The following TFB1M variants were observed in gnomAD, a reference collection of about 807,000 sequenced individuals.
TFB1M encodes transcription factor B1, mitochondrial.
In TFB1M, 27 loss-of-function variants were observed where a neutral mutation model predicts 31.1. That is an observed-to-expected ratio of 0.87 (90% confidence interval 0.64 to 1.20). TFB1M has a LOEUF of 1.20. Ranked by LOEUF, TFB1M falls within the 50% of genes most tolerant of loss-of-function variation. The pLI is 0.00. For missense variants in TFB1M, 394 were observed against 418.7 expected (o/e 0.94, Z 0.51); for synonymous variants, 166 against 151.8 (o/e 1.09, Z -0.69).
intron 5 of TFB1M, among the ~76,000 whole-genome samples, chr6:155,277,261 T>C (rs1366208729): frequency 6.6e-6 from 1 of 152,254 alleles, no homozygotes; most frequent in East Asian, 1.9e-4. Context: ...TTTGTCACTT[T>C]TTCTCTCAAA....
chr6:155,285,367 A>G, intron 4 of TFB1M, 90 bp from the exon 5 acceptor site: 1 of 1,530,440 alleles, frequency 6.5e-7, no homozygotes, highest in Non-Finnish European at 8.9e-7. Context: ...TCTGAACACT[A>G]GGTGGACTTT....
the TFB1M span, chr6:155,248,046 C>A: frequency 6.2e-7 from 1 of 1,614,212 alleles, no homozygotes; most frequent in Non-Finnish European, 8.5e-7. Flanking sequence ...CCCGGAACCC[C>A]ACCAAGCAGC....
At chr6:155,246,454 C>T in the TFB1M span, among the ~76,000 whole-genome samples, 1 of 152,144 alleles carries the variant, frequency 6.6e-6, no homozygotes, top group African/African-American at 2.4e-5. Context: ...TTGCCATTTC[C>T]TCCCACAAAC....
the TFB1M span, chr6:155,248,320 C>T: frequency 1.0e-5 from 10 of 994,548 alleles, no homozygotes; most frequent in Non-Finnish European, 1.4e-5. Flanking sequence ...GATGGTTAAT[C>T]TTAGGTTTCA....
Position 155,297,238 on chromosome 6 carries a change from T to G in TFB1M, c.395-134A>C, listed in dbSNP as rs141064985. 7.5e-6 allele frequency: 7 copies of G among 929,146 alleles called. No individual in the cohort carries two copies. The African/African-American group carries it at 1.0e-4, about 13-fold the overall frequency. The allele number at this position is 929,146 out of a possible 1,614,324, so 57.6% of individuals were successfully genotyped here. On this transcript the variant is annotated intron_variant, in intron 3 of 6. Coordinates refer to ENST00000367166, the MANE Select transcript of TFB1M (RefSeq NM_016020.4). The stretch of plus-strand genomic sequence containing the variant: ...ATATAAATAGACATGGCTAAATTTT[T>G]TTTTTCACTTATTATTCAAAAGCAA...
intron 5 of TFB1M, among the ~76,000 whole-genome samples, chr6:155,269,324 CTTT>C (rs60162262): frequency 2.4e-5 from 3 of 127,262 alleles, no homozygotes; most frequent in African/African-American, 3.0e-5. Context: ...CTTTTCTTTT[CTTT>C]TTTTTTTTTT....
chr6:155,266,846 CAAAAAAAA>C (rs1213939199), intron 5 of TFB1M, among the ~76,000 whole-genome samples: 2 of 62,840 alleles, frequency 3.2e-5, no homozygotes, highest in South Asian at 7.5e-4. Flanking sequence ...GACTCCGTCT[CAAAAAAAA>C]AAAAAAAAAA....
At chr6:155,283,446 G>C (rs1216983931) in intron 5 of TFB1M, among the ~76,000 whole-genome samples, 2 of 152,248 alleles carry the variant, frequency 1.3e-5, no homozygotes, top group East Asian at 3.9e-4. Flanking sequence ...AATAAAAAAA[G>C]GAATCAAAGA....
chr6:155,277,758 G>A (rs1447124677), intron 5 of TFB1M, among the ~76,000 whole-genome samples: 1 of 152,072 alleles, frequency 6.6e-6, no homozygotes, highest in Admixed American at 6.5e-5. Context: ...CCTTTTGAGT[G>A]GTCAAAATGT....
At chr6:155,296,823 G>T in intron 4 of TFB1M, 130 bp downstream of exon 4, 1 of 869,544 alleles carries the variant, frequency 1.2e-6, no homozygotes. Context: ...TGGCTGAGCT[G>T]CTGCTGGGTT....
intron 5 of TFB1M, chr6:155,260,607 A>T: frequency 1.6e-6 from 1 of 642,492 alleles, no homozygotes; most frequent in Non-Finnish European, 2.8e-6. Flanking sequence ...AGCCGGCTGC[A>T]CCTGTTCTCT....
intron 1 of TFB1M, 27 bp downstream of exon 1, chr6:155,314,269 T>A: frequency 1.9e-6 from 3 of 1,612,192 alleles, no homozygotes; most frequent in Non-Finnish European, 2.5e-6. Context: ...TGGGGAGACA[T>A]CCGGGGAGCA....
At chr6:155,285,867 T>G (rs1246121893) in intron 4 of TFB1M, among the ~76,000 whole-genome samples, 1 of 152,202 alleles carries the variant, frequency 6.6e-6, no homozygotes, top group Non-Finnish European at 1.5e-5. Context: ...AATTAATTCA[T>G]AAATGCAATG....
At chr6:155,251,577 G>A (rs146227279), downstream of TFB1M, among the ~76,000 whole-genome samples, 12 of 152,286 alleles carry the variant, frequency 7.9e-5, no homozygotes, top group East Asian at 2.1e-3. Context: ...ATTAGCCACC[G>A]TGCCTGGCCA....
chr6:155,252,963 C>G (rs1783760798), downstream of TFB1M: 3 of 1,614,034 alleles, frequency 1.9e-6, no homozygotes, highest in South Asian at 3.3e-5. Context: ...GAATTCCCGG[C>G]CTGCACACAA....
downstream of TFB1M, chr6:155,255,342 T>C (rs1273095201): frequency 6.6e-6 from 1 of 152,158 alleles, no homozygotes; most frequent in East Asian, 1.9e-4. Context: ...AATCACGTTG[T>C]TCTTTCTGCT....
chr6:155,257,190 CAAAAAAA>C lies in TFB1M; in HGVS notation c.*639_*645del, dbSNP rs11455127. On this transcript the variant is annotated 3_prime_UTR_variant, in exon 7 of 7. Transcript: ENST00000367166. ...TAAACTGGTGGTAAAGTGGAAATTG[CAAAAAAA>C]AAAAAAAAAAAAAACTGTTCATTCC... 32 of 547,750 alleles carry C rather than the reference CAAAAAAA, an allele frequency of 5.8e-5. No individual in the cohort carries two copies. Among genetic ancestry groups the C allele is most frequent in the East Asian group, 1.2e-4 (3 of 25,296 alleles). The allele number at this position is 547,750 out of a possible 1,614,324, so 33.9% of individuals were successfully genotyped here. A position where few individuals can be genotyped will look rare whatever the true frequency, so the allele number is the denominator to read the frequency against.
At chr6:155,292,604 T>C (rs1287027011) in intron 4 of TFB1M, among the ~76,000 whole-genome samples, 1 of 152,048 alleles carries the variant, frequency 6.6e-6, no homozygotes, top group East Asian at 1.9e-4. Flanking sequence ...ATCTTATCTA[T>C]GTGTCACAAC....
the TFB1M span, chr6:155,250,606 G>A: frequency 6.5e-7 from 1 of 1,536,058 alleles, no homozygotes; most frequent in East Asian, 2.4e-5. Flanking sequence ...AAGGCACTCT[G>A]GAAGAACCAC....
Sources: gnomAD v4.1 joint callset for allele counts (sites outside exome capture counted in the v4.1 genomes callset) on GRCh38, gnomAD v4.1.1 for gene constraint, MANE v1.5 for transcripts, NCBI Gene and HGNC (gene_info 2026-07-23, HGNC 2026-07-21) for gene names.